Variants in TMEFF2 observed in about 807,000 individuals in gnomAD.
The protein encoded by TMEFF2 is transmembrane protein with EGF like and two follistatin like domains 2, also known as tomoregulin-2.
In TMEFF2, 28 loss-of-function variants were observed where a neutral mutation model predicts 53.8. The observed-to-expected ratio is 0.52, with a 90% CI of 0.39 to 0.71. The LOEUF (loss-of-function observed/expected upper bound fraction) is 0.71, where lower values mean the gene tolerates loss of function less well. TMEFF2 is among the 30% of genes least tolerant of loss of function. The pLI is 0.00. For missense variants in TMEFF2, 353 were observed against 455.2 expected (o/e 0.78, Z 2.04); for synonymous variants, 162 against 166.3 (o/e 0.97, Z 0.20).
At chr2:192,178,420 A>C (rs1250912755) in intron 4 of TMEFF2, 1 of 150,918 alleles carries the variant, frequency 6.6e-6, no homozygotes, top group Non-Finnish European at 1.5e-5. Flanking sequence ...TTTTATTAGA[A>C]GTAGAGAAAG....
At chr2:191,964,312 T>TTTCC (rs200259540) in intron 7 of TMEFF2, among the ~76,000 whole-genome samples, 2 of 146,342 alleles carry the variant, frequency 1.4e-5, no homozygotes, top group Non-Finnish European at 3.0e-5. Context: ...TCCTTCTTTC[T>TTTCC]TTCCTTCCTT....
At chr2:191,983,534 G>A (rs1685905194) in intron 7 of TMEFF2, among the ~76,000 whole-genome samples, 1 of 152,124 alleles carries the variant, frequency 6.6e-6, no homozygotes, top group African/African-American at 2.4e-5. Context: ...AGAAATAGTG[G>A]TAAAATATGC....
chr2:192,124,809 C>G (rs1272871592), intron 4 of TMEFF2, among the ~76,000 whole-genome samples: 4 of 152,266 alleles, frequency 2.6e-5, no homozygotes, highest in African/African-American at 9.6e-5. Flanking sequence ...TCCAATATTT[C>G]AGAGTTTTGT....
At chr2:192,045,685 T>A (rs903282490) in intron 5 of TMEFF2, among the ~76,000 whole-genome samples, 1 of 152,144 alleles carries the variant, frequency 6.6e-6, no homozygotes, top group Non-Finnish European at 1.5e-5. Context: ...CCAACCTGGC[T>A]ACAGCCACCA....
chr2:192,089,043 A>G (rs895573103), intron 4 of TMEFF2, among the ~76,000 whole-genome samples: 3 of 152,148 alleles, frequency 2.0e-5, no homozygotes, highest in Non-Finnish European at 4.4e-5. Context: ...GGAGGTACTC[A>G]GTAGACATTT....
Position 192,184,423 on chromosome 2 carries a change from A to G in TMEFF2, c.343T>C (p.Tyr115His). Reference protein sequence around the residue: ...SNGESYQNECYLRQAACKQQS... With the variant: ...SNGESYQNECHLRQAACKQQS... ...TGTTTGCATGCAGCCTGTCGCAGGTAACACTCATTCTGGTAGCTCTCCCCA... is the reference window on the plus strand; with the variant it reads ...TGTTTGCATGCAGCCTGTCGCAGGTGACACTCATTCTGGTAGCTCTCCCCA... The change falls in exon 3 of 10, where the codon TAC (tyrosine) becomes CAC (histidine). Residue 115 changes from tyrosine (Y) to histidine (H), a missense_variant. By Grantham distance (83) the Tyr-to-His change is moderately conservative. Around this residue, in one of 3 missense-constraint regions of TMEFF2, gnomAD observed 294 missense variants for 397.3 expected, o/e 0.74. Transcript: ENST00000272771. The G allele has an allele frequency of 6.2e-7, 1 of 1,613,464 alleles. No homozygotes were observed. The highest frequency in any genetic ancestry group is 1.1e-5 in the South Asian group (1 of 91,062).
At chr2:192,131,733 C>T (rs1412696596) in intron 4 of TMEFF2, among the ~76,000 whole-genome samples, 4 of 152,134 alleles carry the variant, frequency 2.6e-5, no homozygotes, top group Non-Finnish European at 5.9e-5. Context: ...TCTCCCTTAG[C>T]CTGTATTCTT....
At chr2:192,193,777 G>C (rs139171526) in intron 1 of TMEFF2, among the ~76,000 whole-genome samples, 2 of 52,560 alleles carry the variant, frequency 3.8e-5, no homozygotes, top group Non-Finnish European at 5.1e-5. Context: ...GAGAGAGAGA[G>C]AGAGAGAGAG....
In TMEFF2 at chr2:191,956,295, TC is replaced by T; in HGVS notation, c.828del (p.Lys277SerfsTer45). The T allele has an allele frequency of 1.2e-6, 2 of 1,613,932 alleles. No individual in the cohort carries two copies. The highest frequency in any genetic ancestry group is 8.5e-7 in the Non-Finnish European group (1 of 1,179,916). ...TGCATATTGATAGAATGCTCACACTTCCCATGCATGCAGAAGCCATTGTAAT... is the reference window on the plus strand; with the variant it reads ...TGCATATTGATAGAATGCTCACACTTCCATGCATGCAGAAGCCATTGTAAT... ...PEHYNGFCMH[G>X]KCEHSINMQE... On this transcript the variant is annotated frameshift_variant, in exon 8 of 10. Coordinates refer to ENST00000272771, the MANE Select transcript of TMEFF2 (RefSeq NM_016192.4). LOFTEE classifies it high-confidence loss of function.
intron 9 of TMEFF2, among the ~76,000 whole-genome samples, chr2:191,950,958 T>C (rs1408045445): frequency 6.6e-6 from 1 of 152,208 alleles, no homozygotes; most frequent in Non-Finnish European, 1.5e-5. Context: ...TTAGCATCTA[T>C]AAAAATCTAA....
intron 5 of TMEFF2, among the ~76,000 whole-genome samples, chr2:192,051,262 T>G (rs1286147727): frequency 6.7e-6 from 1 of 148,544 alleles, no homozygotes; most frequent in Non-Finnish European, 1.5e-5. Context: ...ATGAGTAAAC[T>G]TATATTAGAA....
Position 192,011,523 on chromosome 2 carries a change from T to C in TMEFF2, c.537-12315A>G, listed in dbSNP as rs929398069. On this transcript the variant is annotated intron_variant, in intron 5 of 9. Coordinates refer to ENST00000272771, the MANE Select transcript of TMEFF2 (RefSeq NM_016192.4). ...CAAAATGGTTTTGCTCTTGGCTTCA[T>C]CTCAGAAGACTTTTTAAGCTGCATA... Among the ~76,000 whole-genome samples the C allele has an allele frequency of 2.0e-5, 3 of 152,222 alleles. No individual in the cohort carries two copies. The South Asian group carries it at 6.2e-4, about 32-fold the overall frequency.
At chr2:192,156,175 C>A (rs1574421016) in intron 4 of TMEFF2, among the ~76,000 whole-genome samples, 1 of 152,004 alleles carries the variant, frequency 6.6e-6, no homozygotes, top group East Asian at 1.9e-4. Flanking sequence ...TTGCAGCTTA[C>A]CTTCAATATT....
intron 7 of TMEFF2, among the ~76,000 whole-genome samples, chr2:191,969,616 G>A (rs1006800339): frequency 2.2e-4 from 33 of 152,152 alleles, no homozygotes; most frequent in African/African-American, 8.0e-4. Context: ...ATGTTGATGG[G>A]TTTGTGTATG....
At chr2:192,063,671 CA>C (rs1381457692) in intron 4 of TMEFF2, among the ~76,000 whole-genome samples, 1 of 151,666 alleles carries the variant, frequency 6.6e-6, no homozygotes, top group African/African-American at 2.4e-5. Context: ...ATATTGGTGA[CA>C]GTAAATTTGC....
intron 4 of TMEFF2, among the ~76,000 whole-genome samples, chr2:192,118,373 G>T (rs2105963267): frequency 6.6e-6 from 1 of 152,268 alleles, no homozygotes; most frequent in African/African-American, 2.4e-5. Flanking sequence ...TGGGAATGAT[G>T]TAACTACTCC....
intron 4 of TMEFF2, among the ~76,000 whole-genome samples, chr2:192,130,234 T>G (rs971638273): frequency 6.6e-6 from 1 of 152,274 alleles, no homozygotes; most frequent in South Asian, 2.1e-4. Context: ...GAACTCAGAT[T>G]TTTTTCCTAA....
chr2:192,122,526 T>C (rs1024439015), intron 4 of TMEFF2, among the ~76,000 whole-genome samples: 2 of 152,162 alleles, frequency 1.3e-5, no homozygotes, highest in African/African-American at 2.4e-5. Flanking sequence ...AAGAACAATA[T>C]GATTTTTAAG....
chr2:192,121,226 C>T (rs1689545745), intron 4 of TMEFF2, among the ~76,000 whole-genome samples: 1 of 152,052 alleles, frequency 6.6e-6, no homozygotes, highest in Non-Finnish European at 1.5e-5. Flanking sequence ...TGCTATAAAG[C>T]AGAGGACAGA....
Sources: allele counts gnomAD v4.1 joint callset (sites outside exome capture counted in the v4.1 genomes callset), GRCh38; gene constraint gnomAD v4.1.1; regional missense constraint gnomAD v4.1.1; transcripts MANE v1.5; gene names NCBI Gene and HGNC (gene_info 2026-07-23, HGNC 2026-07-21).